Variants in FRS3 observed in about 807,000 individuals in gnomAD.
FRS3 encodes the protein fibroblast growth factor receptor substrate 3, also known as FGFR substrate 3.
A neutral mutation model predicts 41.9 loss-of-function variants in FRS3; 17 were observed. The ratio of observed to expected loss-of-function variants is 0.41; its 90% CI spans 0.28 to 0.61. The LOEUF (loss-of-function observed/expected upper bound fraction) is 0.61. Among genes scored for constraint, FRS3 ranks in the 20% least tolerant of loss-of-function variants. The pLI, the probability that FRS3 is intolerant of heterozygous loss-of-function variation, is 0.36. For synonymous variants in FRS3, 287 were observed against 274.5 expected (o/e 1.05, Z -0.45); for missense variants, 619 against 672.1 (o/e 0.92, Z 0.87).
rs532167853 is a variant in FRS3, at chr6:41,770,871, G to C, written c.1227C>G (p.Pro409=). The change falls in exon 7 of 7, where the codon CCC becomes CCG. Residue 409 remains proline (P), a synonymous_variant. Coordinates refer to ENST00000373018, the MANE Select transcript of FRS3 (RefSeq NM_006653.5). ...VFNFDFRRPG[P]EPPRQLNYIQ... ...TGTAGTTAAGCTGCCTTGGGGGCTC[G>C]GGCCCCGGCCGGCGGAAATCAAAGT... 1.2e-6 allele frequency: 2 copies of C among 1,609,532 alleles called. No individual in the cohort carries two copies. Among genetic ancestry groups the C allele is most frequent in the Non-Finnish European group, 8.5e-7 (1 of 1,179,916 alleles).
rs373372889 is a variant in FRS3, at chr6:41,771,934, T to C, written c.446A>G (p.Asn149Ser). The C allele has an allele frequency of 1.0e-4, 158 of 1,562,998 alleles. 1 individual carries two copies. Among genetic ancestry groups the C allele is most frequent in the Admixed American group, 5.3e-4 (28 of 52,452 alleles). Reference sequence around the variant, plus strand: ...TCGTGGGCCCTCTCCAGGGCAGCCATTGGAAAAGCTGGAGACAGTGTAGCC... The same window carrying C: ...TCGTGGGCCCTCTCCAGGGCAGCCACTGGAAAAGCTGGAGACAGTGTAGCC... ...ALGYTVSSFS[N>S]GCPGEGPRFS... The change falls in exon 6 of 7, where the codon AAT (asparagine) becomes AGT (serine). Residue 149 changes from asparagine (N) to serine (S), a missense_variant. Asn to Ser is a conservative substitution (Grantham distance 46, BLOSUM62 1). Around this residue, in one of 3 missense-constraint regions of FRS3, gnomAD observed 487 missense variants for 478.3 expected, o/e 1.02. Transcript: ENST00000373018.
rs756179328 is a variant in FRS3, at chr6:41,770,603, G to C, written c.*16C>G. On this transcript the variant is annotated 3_prime_UTR_variant, in exon 7 of 7. Coordinates refer to ENST00000373018, the MANE Select transcript of FRS3 (RefSeq NM_006653.5). ...GGATCATGGTGGGGCAGAGGGTGGT[G>C]AGGACCGGGAAGTCCCTACAGAGGC... The C allele has an allele frequency of 2.5e-6, 4 of 1,613,088 alleles. No individual in the cohort carries two copies. The highest frequency in any genetic ancestry group is 3.4e-6 in the Non-Finnish European group (4 of 1,178,998).
chr6:41,772,006 C>T, intron 5 of FRS3, 42 bp from the exon 6 acceptor site: 1 of 1,474,796 alleles, frequency 6.8e-7, no homozygotes, highest in Non-Finnish European at 9.1e-7. Flanking sequence ...GGAACTTAAG[C>T]CACCTGACAA....
chr6:41,770,591 G>T lies in FRS3; in HGVS notation c.*28C>A. ...GAGGCAGAGGCTGGATCATGGTGGG[G>T]CAGAGGGTGGTGAGGACCGGGAAGT... On this transcript the variant is annotated 3_prime_UTR_variant, in exon 7 of 7. Coordinates refer to ENST00000373018, the MANE Select transcript of FRS3 (RefSeq NM_006653.5). 6.2e-7 allele frequency: 1 copy of T among 1,608,026 alleles called. No homozygotes were observed. The highest frequency in any genetic ancestry group is 8.5e-7 in the Non-Finnish European group (1 of 1,174,462).
chr6:41,775,356 A>G, intron 4 of FRS3, 63 bp downstream of exon 4: 7 of 1,361,678 alleles, frequency 5.1e-6, no homozygotes, highest in South Asian at 2.7e-5. Context: ...TAACCTATAC[A>G]TTAGGAACCC....
In FRS3 at chr6:41,770,476, C is replaced by T; in HGVS notation, c.*143G>A. Reference sequence around the variant, plus strand: ...TGGCTGATATCTCTGGGGACTCCAGCCAGCACAGGGAAGCATCTGGTCCCA... The same window carrying T: ...TGGCTGATATCTCTGGGGACTCCAGTCAGCACAGGGAAGCATCTGGTCCCA... On this transcript the variant is annotated 3_prime_UTR_variant, in exon 7 of 7. Transcript: ENST00000373018. 2.7e-6 allele frequency: 2 copies of T among 730,512 alleles called. No homozygotes were observed. 45.3% of individuals were successfully genotyped at this position (730,512 alleles called of 1,614,324 possible).
Position 41,770,745 on chromosome 6 carries a change from G to A in FRS3, c.1353C>T (p.Ser451=), listed in dbSNP as rs1387747222. The A allele has an allele frequency of 1.2e-6, 2 of 1,613,688 alleles. No homozygotes were observed. The highest frequency in any genetic ancestry group is 1.3e-5 in the African/African-American group (1 of 74,890). Residue 451 remains serine (S), a synonymous_variant, in exon 7 of 7, where the codon AGC becomes AGT. Transcript: ENST00000373018. ...APMPTTHPAR[S]SDSYAVIDLK... is the part of the protein sequence containing the mutation. ...GGTCAATCACGGCGTAGGAGTCTGA[G>A]CTTCGGGCAGGGTGGGTGGTGGGCA...
intron 4 of FRS3, among the ~76,000 whole-genome samples, chr6:41,774,926 A>G (rs929947254): frequency 6.6e-6 from 1 of 152,130 alleles, no homozygotes; most frequent in African/African-American, 2.4e-5. Context: ...CCAAGTGTAG[A>G]TCAAACATCA....
intron 4 of FRS3, 43 bp from the exon 5 acceptor site, chr6:41,773,002 G>A (rs770809591): frequency 6.5e-7 from 1 of 1,547,192 alleles, no homozygotes; most frequent in Non-Finnish European, 8.9e-7. Context: ...AATAGGGAAG[G>A]ACCAGAGGAG....
intron 5 of FRS3, 144 bp downstream of exon 5, chr6:41,772,654 T>C (rs1772324509): frequency 2.2e-6 from 2 of 905,566 alleles, no homozygotes; most frequent in South Asian, 3.5e-5. Flanking sequence ...AGAATGGTTC[T>C]GATCATGGAC....
rs759850335 is a variant in FRS3 at position 41,775,612 on chromosome 6, G to A, written c.67-7C>T. 20 of 1,611,762 alleles carry A rather than the reference G, an allele frequency of 1.2e-5. No homozygotes were observed. Among genetic ancestry groups the A allele is most frequent in the Middle Eastern group, 1.7e-4 (1 of 6,056 alleles). On this transcript the variant is annotated splice_polypyrimidine_tract_variant and splice_region_variant and intron_variant, in intron 3 of 6. Transcript: ENST00000373018. ...CATCATCCACATTTGTCACCTGGAG[G>A]GGAGAAGACAGAAGGGTCAATGAGT...
chr6:41,778,755 T>C (rs1304413658), intron 1 of FRS3, among the ~76,000 whole-genome samples: 1 of 152,210 alleles, frequency 6.6e-6, no homozygotes, highest in Non-Finnish European at 1.5e-5. Context: ...ATGTTCATCT[T>C]CCAAGACAGG....
chr6:41,772,448 C>T (rs140715031), intron 5 of FRS3, among the ~76,000 whole-genome samples: 83 of 152,252 alleles, frequency 5.5e-4, no homozygotes, highest in African/African-American at 1.9e-3. Context: ...GCCAGAGATG[C>T]CTGCACCAGC....
Position 41,770,626 on chromosome 6 carries a change from G to A in FRS3, c.1472C>T (p.Pro491Leu). The A allele has an allele frequency of 6.2e-7, 1 of 1,614,200 alleles. No individual in the cohort carries two copies. Reference protein sequence around the residue: ...RKTRHNSTDLPL With the variant: ...RKTRHNSTDLLL ...GTGAGGACCGGGAAGTCCCTACAGA[G>A]GCAGGTCGGTGCTGTTGTGCCGGGT... is the stretch of plus-strand genomic sequence containing the variant. The change falls in exon 7 of 7, where the codon CCT (proline) becomes CTT (leucine). Residue 491 changes from proline to leucine, a missense_variant. Pro to Leu is a moderately conservative substitution (Grantham distance 98). Transcript: ENST00000373018.
intron 6 of FRS3, 96 bp from the exon 7 acceptor site, chr6:41,771,629 G>T: frequency 8.1e-7 from 1 of 1,237,270 alleles, no homozygotes; most frequent in Non-Finnish European, 1.1e-6. Flanking sequence ...CACAGAAAAA[G>T]ACCTGGAGTT....
chr6:41,773,016 A>C (rs562080710), intron 4 of FRS3, 57 bp from the exon 5 acceptor site: 438 of 1,430,362 alleles, frequency 3.1e-4, no homozygotes, highest in Non-Finnish European at 3.8e-4. Flanking sequence ...AGAGGAGCTC[A>C]ACAGATGCAC....
In FRS3 at chr6:41,772,821, G is replaced by A; in HGVS notation, c.392C>T (p.Pro131Leu). ...RNSHPAELDL[P>L]RAPQPPNALG... ...ACCATTGGGTGGCTGGGGGGCTCGAGGGAGGTCAAGCTCAGCGGGGTGGCT... is the reference window on the plus strand; with the variant it reads ...ACCATTGGGTGGCTGGGGGGCTCGAAGGAGGTCAAGCTCAGCGGGGTGGCT... The change falls in exon 5 of 7, where the codon CCT becomes CTT. Residue 131 changes from proline (P) to leucine (L), a missense_variant. By Grantham distance (98) the Pro-to-Leu change is moderately conservative. Around this residue, in one of 3 missense-constraint regions of FRS3, gnomAD observed 487 missense variants for 478.3 expected, o/e 1.02. Coordinates refer to ENST00000373018, the MANE Select transcript of FRS3 (RefSeq NM_006653.5). The A allele has an allele frequency of 6.2e-7, 1 of 1,612,902 alleles. No individual in the cohort carries two copies. Among genetic ancestry groups the A allele is most frequent in the Non-Finnish European group, 8.5e-7 (1 of 1,179,884 alleles).
intron 4 of FRS3, among the ~76,000 whole-genome samples, chr6:41,774,941 G>A (rs1191242294): frequency 6.6e-6 from 1 of 151,566 alleles, no homozygotes; most frequent in East Asian, 1.9e-4. Flanking sequence ...ACATCACTAG[G>A]AGCAAGGATG....
chr6:41,774,747 C>G (rs1772375962), intron 4 of FRS3, among the ~76,000 whole-genome samples: 1 of 152,152 alleles, frequency 6.6e-6, no homozygotes, highest in African/African-American at 2.4e-5. Flanking sequence ...AACTAAGACA[C>G]AATTAGCCTG....
Sources: gnomAD v4.1 joint callset for allele counts (sites outside exome capture counted in the v4.1 genomes callset) on GRCh38, gnomAD v4.1.1 for gene constraint, gnomAD v4.1.1 regional missense constraint, MANE v1.5 for transcripts, NCBI Gene and HGNC (gene_info 2026-07-23, HGNC 2026-07-21) for gene names.